Variants in ZNF18 observed in about 807,000 individuals in gnomAD.
The protein encoded by ZNF18 is zinc finger protein 18.
ZNF18 carries 42 observed loss-of-function variants against 58.1 expected under a neutral mutation model. That is an observed-to-expected ratio of 0.72 (90% CI 0.56 to 0.93). The LOEUF (loss-of-function observed/expected upper bound fraction) is 0.93. Among genes scored for constraint, ZNF18 ranks in the 40% least tolerant of loss-of-function variants. The pLI, the probability that ZNF18 is intolerant of heterozygous loss-of-function variation, is 0.00. For synonymous variants in ZNF18, 231 were observed against 239.8 expected (o/e 0.96, Z 0.34); for missense variants, 540 against 644.2 (o/e 0.84, Z 1.75).
chr17:12,015,541 A>G, the ZNF18 span, among the ~76,000 whole-genome samples: 1 of 152,164 alleles, frequency 6.6e-6, no homozygotes, highest in Non-Finnish European at 1.5e-5. Context: ...TATGTTTTTT[A>G]TATTCCCTAA....
chr17:12,016,633 T>G, the ZNF18 span, among the ~76,000 whole-genome samples: 1 of 151,798 alleles, frequency 6.6e-6, no homozygotes, highest in Non-Finnish European at 1.5e-5. Context: ...CCCAGTCCTT[T>G]TTTTTTTTGT....
the ZNF18 span, among the ~76,000 whole-genome samples, chr17:12,005,052 G>C: frequency 2.0e-5 from 3 of 150,546 alleles, no homozygotes; most frequent in South Asian, 6.3e-4. Flanking sequence ...GTTTAAATAC[G>C]TGTGTATATA....
the ZNF18 span, among the ~76,000 whole-genome samples, chr17:12,004,927 A>C: frequency 2.7e-5 from 4 of 150,794 alleles, no homozygotes; most frequent in East Asian, 7.7e-4. Flanking sequence ...GTGCATTTAT[A>C]TCTCTATCAC....
the ZNF18 span, among the ~76,000 whole-genome samples, chr17:12,019,167 T>C: frequency 6.6e-6 from 1 of 152,008 alleles, no homozygotes; most frequent in Admixed American, 6.6e-5. Flanking sequence ...TTTCACCACG[T>C]TGGCCAGGCT....
the ZNF18 span, among the ~76,000 whole-genome samples, chr17:12,006,456 A>G: frequency 6.6e-6 from 1 of 152,238 alleles, no homozygotes; most frequent in African/African-American, 2.4e-5. Flanking sequence ...GAGACAATAT[A>G]TGTAAAATAC....
upstream of ZNF18, among the ~76,000 whole-genome samples, chr17:11,997,661 C>T (rs1968564979): frequency 5.3e-5 from 8 of 152,220 alleles, no homozygotes; most frequent in South Asian, 1.7e-3. Context: ...ATCCTCCGTT[C>T]CTTCCGTCAC....
At chr17:12,019,076 TC>T in the ZNF18 span, among the ~76,000 whole-genome samples, 1 of 152,058 alleles carries the variant, frequency 6.6e-6, no homozygotes, top group African/African-American at 2.4e-5. Context: ...TGCCTCAGCC[TC>T]CCTAGTAGCT....
Position 11,992,157 on chromosome 17 carries a change from T to C in ZNF18, c.387+286A>G, listed in dbSNP as rs544123820. ...ACTTGAAGAGAAGACTGTGGGAACC[T>C]CCGAATTTATAGCCAATTTGTCAGA... On this transcript the variant is annotated intron_variant, in intron 2 of 6. Coordinates refer to ENST00000580306, the MANE Select transcript of ZNF18 (RefSeq NM_001303281.2). Among the ~76,000 whole-genome samples the C allele has an allele frequency of 2.0e-5, 3 of 152,284 alleles. No homozygotes were observed. In the South Asian group the frequency reaches 6.2e-4, roughly 32 times the overall value.
chr17:12,005,953 G>T, the ZNF18 span, among the ~76,000 whole-genome samples: 5,878 of 151,780 alleles, frequency 0.039, 229 homozygotes, highest in African/African-American at 0.13. Context: ...AGATCTCCCT[G>T]TTCTAGATCT....
At chr17:12,016,056 G>A in the ZNF18 span, among the ~76,000 whole-genome samples, 1 of 152,190 alleles carries the variant, frequency 6.6e-6, no homozygotes, top group Non-Finnish European at 1.5e-5. Flanking sequence ...CTCCCAAAGC[G>A]CTGGGATTAT....
chr17:12,015,846 C>T, the ZNF18 span, among the ~76,000 whole-genome samples: 1 of 151,938 alleles, frequency 6.6e-6, no homozygotes. Context: ...TGGAGTCCAG[C>T]AGCGCGATCT....
chr17:11,978,751 G>A lies in ZNF18; in HGVS notation c.863-7C>T, dbSNP rs762880259. 9.9e-6 allele frequency: 15 copies of A among 1,520,964 alleles called. No individual in the cohort carries two copies. Among genetic ancestry groups the A allele is most frequent in the South Asian group, 3.5e-5 (3 of 85,008 alleles). The allele number at this position is 1,520,964 out of a possible 1,614,324, so 94.2% of individuals were successfully genotyped here. A position where few individuals can be genotyped will look rare whatever the true frequency, so the allele number is the denominator to read the frequency against. Reference sequence around the variant, plus strand: ...TCATTCTCTTGTCTATCTCCTAAAAGAAGAAAGAAGATTTGAAATGGTTCA... The same window carrying A: ...TCATTCTCTTGTCTATCTCCTAAAAAAAGAAAGAAGATTTGAAATGGTTCA... On this transcript the variant is annotated splice_region_variant and splice_polypyrimidine_tract_variant and intron_variant, in intron 6 of 6. Coordinates refer to ENST00000580306, the MANE Select transcript of ZNF18 (RefSeq NM_001303281.2).
intron 4 of ZNF18, 88 bp downstream of exon 4, chr17:11,990,374 G>C (rs78527638): frequency 7.8e-4 from 900 of 1,157,902 alleles, no homozygotes; most frequent in Non-Finnish European, 1.0e-3. Flanking sequence ...GGTTTCCTCA[G>C]GATGGAGAAT....
intron 4 of ZNF18, 45 bp from the exon 5 acceptor site, chr17:11,984,242 G>A: frequency 6.4e-7 from 1 of 1,559,394 alleles, no homozygotes; most frequent in Non-Finnish European, 8.7e-7. Flanking sequence ...TGACTCCAAT[G>A]AAGGTGTTTG....
chr17:12,020,684 G>C, the ZNF18 span: 1 of 352,530 alleles, frequency 2.8e-6, no homozygotes, highest in Non-Finnish European at 5.1e-6. Context: ...CACAGGTCGC[G>C]CACCCAGAGC....
At chr17:12,016,878 C>T in the ZNF18 span, among the ~76,000 whole-genome samples, 1 of 152,066 alleles carries the variant, frequency 6.6e-6, no homozygotes, top group Non-Finnish European at 1.5e-5. Flanking sequence ...AATCTTTATA[C>T]ATATGCATGA....
At chr17:11,984,636 C>T (rs1967615438) in intron 4 of ZNF18, among the ~76,000 whole-genome samples, 1 of 151,922 alleles carries the variant, frequency 6.6e-6, no homozygotes, top group Non-Finnish European at 1.5e-5. Flanking sequence ...GCCTCAGCTT[C>T]CCGAGGAAGC....
rs1270776199 is a variant in ZNF18, at chr17:11,978,228, C to A, written c.1379G>T (p.Gly460Val). Reference protein sequence around the residue: ...DFVKHQRTHTGEKPCKCDYCG... With the variant: ...DFVKHQRTHTVEKPCKCDYCG... ...GTAATCACATTTACAGGGCTTCTCT[C>A]CCGTGTGAGTTCTCTGATGCTTCAC... is the stretch of plus-strand genomic sequence containing the variant. The change falls in exon 7 of 7, where the codon GGA becomes GTA. Residue 460 changes from glycine to valine, a missense_variant. Gly to Val is a moderately radical substitution (Grantham distance 109). Transcript: ENST00000580306. 6.2e-7 allele frequency: 1 copy of A among 1,613,928 alleles called. No homozygotes were observed. The highest frequency in any genetic ancestry group is 8.5e-7 in the Non-Finnish European group (1 of 1,179,942).
At chr17:11,980,351 G>A (rs1435611520) in intron 6 of ZNF18, among the ~76,000 whole-genome samples, 1 of 152,132 alleles carries the variant, frequency 6.6e-6, no homozygotes, top group Admixed American at 6.5e-5. Context: ...TACTGGGAAA[G>A]CACATTTTTC....
Sources: allele counts gnomAD v4.1 joint callset (sites outside exome capture counted in the v4.1 genomes callset), GRCh38; gene constraint gnomAD v4.1.1; transcripts MANE v1.5; gene names NCBI Gene and HGNC (gene_info 2026-07-23, HGNC 2026-07-21).